The following CNTNAP2 variants were observed in gnomAD, a reference collection of about 807,000 sequenced individuals.
CNTNAP2 encodes contactin associated protein 2.
In CNTNAP2, 98 loss-of-function variants were observed where a neutral mutation model predicts 155.2. The observed-to-expected ratio is 0.63, with a 90% CI of 0.54 to 0.75. The LOEUF (loss-of-function observed/expected upper bound fraction) is 0.75. Among genes scored for constraint, CNTNAP2 ranks in the 30% least tolerant of loss-of-function variants. The probability of loss-of-function intolerance (pLI) is 0.00; values close to 1 mark genes in which losing one functional copy is unlikely to be tolerated. For missense variants in CNTNAP2, 1,727 were observed against 1,688.1 expected (o/e 1.02, Z -0.40); for synonymous variants, 651 against 631.2 (o/e 1.03, Z -0.47).
intron 10 of CNTNAP2, among the ~76,000 whole-genome samples, chr7:147,476,805 G>A (rs1299574000): frequency 6.6e-6 from 1 of 151,998 alleles, no homozygotes; most frequent in Non-Finnish European, 1.5e-5. Flanking sequence ...GCAGGCACCT[G>A]TAATCCCAGC....
intron 13 of CNTNAP2, among the ~76,000 whole-genome samples, chr7:147,892,608 A>G (rs1799713747): frequency 6.6e-6 from 1 of 152,240 alleles, no homozygotes; most frequent in African/African-American, 2.4e-5. Flanking sequence ...ATTCAAATTA[A>G]TAAAATCTAA....
intron 2 of CNTNAP2, among the ~76,000 whole-genome samples, chr7:146,813,392 G>C (rs1414030674): frequency 6.6e-6 from 1 of 152,172 alleles, no homozygotes. Context: ...GTGAGACATG[G>C]AGTCAAAGGA....
chr7:146,633,613 T>C (rs1799545242), intron 1 of CNTNAP2, among the ~76,000 whole-genome samples: 2 of 151,846 alleles, frequency 1.3e-5, no homozygotes, highest in Non-Finnish European at 2.9e-5. Context: ...AAAATGAATA[T>C]AAAATATTGA....
intron 9 of CNTNAP2, among the ~76,000 whole-genome samples, chr7:147,343,317 G>C (rs1795795455): frequency 6.6e-6 from 1 of 152,060 alleles, no homozygotes; most frequent in Admixed American, 6.6e-5. Context: ...GACATATAAT[G>C]AGTAGCTTAC....
At position 147,022,604 on chromosome 7, in the gene CNTNAP2, CATG is replaced by C. The variant is rs1482146074; in HGVS notation, c.403-21302_403-21300del. On this transcript the variant is annotated intron_variant, in intron 3 of 23. Transcript: ENST00000361727. The stretch of plus-strand genomic sequence containing the variant: ...TACTATATATACACATACACAAACA[CATG>C]GTTTTTTTTTTTTTATTACTAACCT... Among the ~76,000 whole-genome samples, 411 of 119,872 alleles carry C rather than the reference CATG, an allele frequency of 3.4e-3. 3 individuals are homozygous for C. Among genetic ancestry groups the C allele is most frequent in the African/African-American group, 0.013 (372 of 28,444 alleles). 78.6% of individuals were successfully genotyped at this position (119,872 alleles called of 152,430 possible).
chr7:146,731,210 A>G (rs1801519947), intron 1 of CNTNAP2, among the ~76,000 whole-genome samples: 2 of 152,196 alleles, frequency 1.3e-5, no homozygotes, highest in South Asian at 4.1e-4. Context: ...TATCTAAGCT[A>G]CAAAACCATG....
chr7:147,296,869 C>A (rs949112681), intron 8 of CNTNAP2, among the ~76,000 whole-genome samples: 3 of 152,160 alleles, frequency 2.0e-5, no homozygotes, highest in Non-Finnish European at 2.9e-5. Context: ...GTAGTAACTA[C>A]AGTCCCTTGC....
intron 3 of CNTNAP2, among the ~76,000 whole-genome samples, chr7:147,021,892 C>CCAG (rs35951603): frequency 0.28 from 42,344 of 151,742 alleles, 7,159 homozygotes; most frequent in African/African-American, 0.49. Flanking sequence ...ATAGAACACT[C>CCAG]CAATCATGAA....
chr7:146,312,514 A>G (rs1023657032), intron 1 of CNTNAP2, among the ~76,000 whole-genome samples: 1 of 152,250 alleles, frequency 6.6e-6, no homozygotes, highest in Admixed American at 6.5e-5. Context: ...TAGGCATTAT[A>G]GAAAGTTTCA....
intron 1 of CNTNAP2, among the ~76,000 whole-genome samples, chr7:146,501,480 G>A (rs1463581216): frequency 6.6e-6 from 1 of 151,806 alleles, no homozygotes; most frequent in Non-Finnish European, 1.5e-5. Context: ...ATTTTCCCCA[G>A]TTTATCTCAC....
At chr7:147,268,814 C>T (rs1804674213) in intron 8 of CNTNAP2, among the ~76,000 whole-genome samples, 1 of 152,064 alleles carries the variant, frequency 6.6e-6, no homozygotes, top group African/African-American at 2.4e-5. Flanking sequence ...TCCTATTACA[C>T]AGAAGAATCG....
chr7:146,684,334 A>C (rs57569061), intron 1 of CNTNAP2, among the ~76,000 whole-genome samples: 8,617 of 152,158 alleles, frequency 0.057, 809 homozygotes, highest in African/African-American at 0.19. Flanking sequence ...AAGTGAGAAT[A>C]AAACAAAAAT....
At chr7:147,347,441 CATATATATATATATGCAT>C (rs1294205675) in intron 9 of CNTNAP2, among the ~76,000 whole-genome samples, 653 of 56,542 alleles carry the variant, frequency 0.012, 19 homozygotes, top group African/African-American at 0.027. Context: ...TATATATATG[CATATATATATATATGCAT>C]ATATATATAT....
At chr7:147,314,246 G>A (rs986824262) in intron 9 of CNTNAP2, among the ~76,000 whole-genome samples, 1 of 152,162 alleles carries the variant, frequency 6.6e-6, no homozygotes, top group African/African-American at 2.4e-5. Flanking sequence ...TAGGTATAAT[G>A]TGTGGGATTG....
chr7:147,055,976 C>G (rs1408332672), intron 4 of CNTNAP2, among the ~76,000 whole-genome samples: 1 of 152,174 alleles, frequency 6.6e-6, no homozygotes, highest in Admixed American at 6.5e-5. Flanking sequence ...CCTTATACCA[C>G]AAGCTCTTAA....
intron 1 of CNTNAP2, among the ~76,000 whole-genome samples, chr7:146,254,129 GCACA>G (rs3050025): frequency 0.31 from 45,171 of 144,768 alleles, 7,546 homozygotes; most frequent in Middle Eastern, 0.41. Flanking sequence ...ATTGCTACTT[GCACA>G]CACACACACA....
intron 13 of CNTNAP2, among the ~76,000 whole-genome samples, chr7:147,837,594 G>A (rs989589550): frequency 6.6e-6 from 1 of 152,114 alleles, no homozygotes; most frequent in Non-Finnish European, 1.5e-5. Context: ...TCTTATCTGA[G>A]ACAATATAAG....
At chr7:148,341,759 A>G (rs1798240347) in intron 21 of CNTNAP2, among the ~76,000 whole-genome samples, 1 of 152,228 alleles carries the variant, frequency 6.6e-6, no homozygotes, top group South Asian at 2.1e-4. Flanking sequence ...TCACTAGTGA[A>G]AGGGTCTATA....
At chr7:146,471,022 C>G (rs531732642) in intron 1 of CNTNAP2, among the ~76,000 whole-genome samples, 2 of 151,984 alleles carry the variant, frequency 1.3e-5, no homozygotes, top group Non-Finnish European at 2.9e-5. Context: ...CTGTTTGTAA[C>G]GATACTTACA....
Sources: allele counts gnomAD v4.1 joint callset (sites outside exome capture counted in the v4.1 genomes callset), GRCh38; gene constraint gnomAD v4.1.1; transcripts MANE v1.5; gene names NCBI Gene and HGNC (gene_info 2026-07-23, HGNC 2026-07-21).